Variants in SGCD observed in about 807,000 individuals in gnomAD.
The protein encoded by SGCD is sarcoglycan delta, also known as delta-sarcoglycan.
Under a neutral mutation model 36.6 loss-of-function variants are expected in SGCD, and 18 were observed. The ratio of observed to expected loss-of-function variants is 0.49; its 90% CI spans 0.34 to 0.73. The LOEUF is 0.73. Ranked by LOEUF, SGCD falls within the 30% of genes least tolerant of loss-of-function variation. The pLI is 0.01. For missense variants in SGCD, 387 were observed against 346.7 expected (o/e 1.12, Z -0.92); for synonymous variants, 133 against 130.6 (o/e 1.02, Z -0.12).
intron 3 of SGCD, among the ~76,000 whole-genome samples, chr5:156,440,889 T>G (rs1443858290): frequency 6.6e-6 from 1 of 152,146 alleles, no homozygotes; most frequent in Non-Finnish European, 1.5e-5. Flanking sequence ...CAATATTATC[T>G]TCCATTCTGT....
At chr5:156,450,005 G>A (rs1020099475) in intron 3 of SGCD, among the ~76,000 whole-genome samples, 5 of 152,086 alleles carry the variant, frequency 3.3e-5, no homozygotes, top group African/African-American at 9.7e-5. Context: ...CAAAAGCTGC[G>A]TATTCTCAAG....
At chr5:156,542,062 T>C (rs1758369243) in intron 4 of SGCD, among the ~76,000 whole-genome samples, 1 of 152,174 alleles carries the variant, frequency 6.6e-6, no homozygotes, top group Admixed American at 6.5e-5. Flanking sequence ...TGCCAAATGT[T>C]TTTAAGGCTA....
chr5:156,634,366 T>G (rs375548428), intron 6 of SGCD, among the ~76,000 whole-genome samples: 33 of 152,274 alleles, frequency 2.2e-4, no homozygotes, highest in Middle Eastern at 6.8e-3. Context: ...TGGCACATGT[T>G]TGCCTGTGTA....
chr5:156,685,897 C>T (rs2113694049), intron 7 of SGCD, among the ~76,000 whole-genome samples: 1 of 152,242 alleles, frequency 6.6e-6, no homozygotes. Flanking sequence ...AAGGGAACAA[C>T]AGACACTGGG....
At chr5:156,132,945 G>T (rs570465770) in intron 3 of SGCD, among the ~76,000 whole-genome samples, 8 of 152,146 alleles carry the variant, frequency 5.3e-5, no homozygotes, top group Non-Finnish European at 1.0e-4. Flanking sequence ...GAATCTGGCT[G>T]GATAATTTTG....
intron 3 of SGCD, among the ~76,000 whole-genome samples, chr5:156,382,345 C>G (rs187237107): frequency 6.6e-6 from 1 of 152,226 alleles, no homozygotes; most frequent in East Asian, 1.9e-4. Flanking sequence ...GAAGCTCACT[C>G]ATGTTACTGT....
intron 1 of SGCD, among the ~76,000 whole-genome samples, chr5:155,873,074 A>C (rs1316829857): frequency 6.6e-6 from 1 of 152,096 alleles, no homozygotes. Context: ...TTGCCCCTTC[A>C]GGTACCTGAT....
intron 1 of SGCD, among the ~76,000 whole-genome samples, chr5:156,009,192 A>C (rs1191058467): frequency 6.6e-6 from 1 of 152,158 alleles, no homozygotes; most frequent in African/African-American, 2.4e-5. Context: ...TCCCTTAACA[A>C]CATCACTTTA....
At chr5:156,571,821 T>A (rs1759737102) in intron 4 of SGCD, among the ~76,000 whole-genome samples, 1 of 152,250 alleles carries the variant, frequency 6.6e-6, no homozygotes, top group Non-Finnish European at 1.5e-5. Flanking sequence ...ATCGAGTACA[T>A]TTATAATGTT....
At chr5:156,249,585 C>A (rs1765524593) in intron 3 of SGCD, among the ~76,000 whole-genome samples, 1 of 152,142 alleles carries the variant, frequency 6.6e-6, no homozygotes, top group African/African-American at 2.4e-5. Context: ...TATTAGAAGA[C>A]TTTACTTCAA....
At chr5:156,449,852 CAAAAAAAAAAAAAA>C (rs10548772) in intron 3 of SGCD, among the ~76,000 whole-genome samples, 2 of 67,834 alleles carry the variant, frequency 2.9e-5, no homozygotes, top group African/African-American at 1.0e-4. Context: ...AACTCCATCT[CAAAAAAAAAAAAAA>C]AAAAAAGAAA....
At chr5:155,836,475 C>G in the SGCD span, among the ~76,000 whole-genome samples, 22 of 138,622 alleles carry the variant, frequency 1.6e-4, no homozygotes, top group African/African-American at 5.9e-4. Flanking sequence ...TACCCACCCC[C>G]GCCCCGCACT....
intron 1 of SGCD, among the ~76,000 whole-genome samples, chr5:156,328,715 G>C (rs1306078467): frequency 6.6e-6 from 1 of 151,136 alleles, no homozygotes; most frequent in East Asian, 2.0e-4. Context: ...ATCTTTAAGA[G>C]ATGGTTCATG....
chr5:156,445,764 C>A (rs1753730717), intron 3 of SGCD, among the ~76,000 whole-genome samples: 1 of 152,038 alleles, frequency 6.6e-6, no homozygotes, highest in Non-Finnish European at 1.5e-5. Context: ...ACTGTGGAAG[C>A]AATTGTGATG....
rs558690756 is a variant in SGCD, at chr5:156,605,511, G to A, written c.502+10460G>A. On this transcript the variant is annotated intron_variant, in intron 6 of 8. Coordinates refer to ENST00000337851, the MANE Select transcript of SGCD (RefSeq NM_000337.6). ...GTGAATAGTGCTGCAATAAAAATAC[G>A]TCTGCATGTGTCTTTATAGCAGCAT... Among the ~76,000 whole-genome samples the A allele has an allele frequency of 4.6e-5, 7 of 152,274 alleles. No homozygotes were observed. In the East Asian group the frequency reaches 5.8e-4, roughly 13 times the overall value.
the SGCD span, among the ~76,000 whole-genome samples, chr5:155,842,174 C>T: frequency 6.6e-6 from 1 of 151,632 alleles, no homozygotes; most frequent in Non-Finnish European, 1.5e-5. Flanking sequence ...TCTAGCTATG[C>T]CTCTCTCTGG....
intron 1 of SGCD, among the ~76,000 whole-genome samples, chr5:156,093,083 A>G (rs1761285500): frequency 6.6e-6 from 1 of 152,206 alleles, no homozygotes; most frequent in Non-Finnish European, 1.5e-5. Context: ...CAAGGCCACA[A>G]CCTTGTCCCA....
At chr5:156,297,796 AAATAAAT>A (rs746064892) in intron 3 of SGCD, among the ~76,000 whole-genome samples, 3,643 of 83,118 alleles carry the variant, frequency 0.044, 119 homozygotes, top group African/African-American at 0.21. Context: ...ATAAAAAAAT[AAATAAAT>A]AAATAAATAA....
At chr5:155,778,596 G>A in the SGCD span, among the ~76,000 whole-genome samples, 2 of 145,620 alleles carry the variant, frequency 1.4e-5, no homozygotes, top group Admixed American at 7.1e-5. Flanking sequence ...TACCTCAGGA[G>A]GTTATAAGGC....
Sources: allele counts gnomAD v4.1 joint callset (sites outside exome capture counted in the v4.1 genomes callset), GRCh38; gene constraint gnomAD v4.1.1; transcripts MANE v1.5; gene names NCBI Gene and HGNC (gene_info 2026-07-23, HGNC 2026-07-21).